The following KDM4A variants were observed in gnomAD, a reference collection of about 807,000 sequenced individuals.
The protein encoded by KDM4A is lysine demethylase 4A.
KDM4A carries 23 observed loss-of-function variants against 127.1 expected under a neutral mutation model. The ratio of observed to expected loss-of-function variants is 0.18; its 90% CI spans 0.13 to 0.26. KDM4A has a LOEUF of 0.26. KDM4A is among the 10% of genes least tolerant of loss of function. KDM4A has a pLI of 1.00. For missense variants in KDM4A, 890 were observed against 1,329.1 expected, an observed-to-expected ratio of 0.67 and a Z score of 5.14; for synonymous variants, 443 against 466.5, an observed-to-expected ratio of 0.95 and a Z score of 0.65.
chr1:43,660,236 T>A, intron 3 of KDM4A, 62 bp from the exon 4 acceptor site: 1 of 1,519,202 alleles, frequency 6.6e-7, no homozygotes, highest in Non-Finnish European at 9.1e-7. Flanking sequence ...TGTCTTGTAA[T>A]GTTCATAATG....
chr1:43,704,863 A>G lies in KDM4A; in HGVS notation c.*493A>G. 1 of 159,568 alleles carries G rather than the reference A, an allele frequency of 6.3e-6. No homozygotes were observed. Among genetic ancestry groups the G allele is most frequent in the Non-Finnish European group, 1.4e-5 (1 of 72,774 alleles). The allele number at this position is 159,568 out of a possible 1,614,324, so 9.9% of individuals were successfully genotyped here. ...CTGGCCTTTACTTTCTTCCTTGCCT[A>G]TGCAGGGCAAACAAAATGTGAAATT... is the stretch of plus-strand genomic sequence containing the variant. On this transcript the variant is annotated 3_prime_UTR_variant, in exon 22 of 22. Coordinates refer to ENST00000372396, the MANE Select transcript of KDM4A (RefSeq NM_014663.3).
In KDM4A at chr1:43,693,898, C is replaced by A; in HGVS notation, c.2376-96C>A. The stretch of plus-strand genomic sequence containing the variant: ...TGTGCTGGTGGAAGTCAGTGGTCAC[C>A]CAGGTGAGGGAGGAAGCGCTGTCAG... On this transcript the variant is annotated intron_variant, in intron 16 of 21. Transcript: ENST00000372396. This position sits in a 1 kb window ranked among gnomAD's most constrained non-coding sequence, Gnocchi z 4.2. 3 of 924,408 alleles carry A rather than the reference C, an allele frequency of 3.2e-6. No individual in the cohort carries two copies. The highest frequency in any genetic ancestry group is 4.9e-5 in the East Asian group (2 of 41,018). The allele number at this position is 924,408 out of a possible 1,614,324, so 57.3% of individuals were successfully genotyped here.
chr1:43,652,359 C>CA (rs1557900757), intron 1 of KDM4A, among the ~76,000 whole-genome samples: 1 of 149,176 alleles, frequency 6.7e-6, no homozygotes, highest in East Asian at 1.9e-4. Context: ...AAACAATTTT[C>CA]TTTTTTTTTT....
At chr1:43,663,632 T>C (rs1316391855) in intron 5 of KDM4A, among the ~76,000 whole-genome samples, 1 of 151,820 alleles carries the variant, frequency 6.6e-6, no homozygotes, top group Non-Finnish European at 1.5e-5. Flanking sequence ...CATTTTTTTT[T>C]TTCTATTTTG....
intron 11 of KDM4A, among the ~76,000 whole-genome samples, chr1:43,683,034 T>C (rs985881451): frequency 6.6e-5 from 10 of 152,206 alleles, no homozygotes; most frequent in African/African-American, 2.4e-4. Flanking sequence ...GTAAATGCAG[T>C]CTTAAATCAA....
intron 2 of KDM4A, 49 bp downstream of exon 2, chr1:43,653,362 G>GT: frequency 6.6e-7 from 1 of 1,517,850 alleles, no homozygotes; most frequent in Non-Finnish European, 8.8e-7. Context: ...GGGCAGAGCA[G>GT]TAAGATTTTT....
chr1:43,705,094 C>A lies in KDM4A; in HGVS notation c.*724C>A, dbSNP rs1204154674. 2.0e-5 allele frequency: 3 copies of A among 152,414 alleles called. No individual in the cohort carries two copies. Among genetic ancestry groups the A allele is most frequent in the African/African-American group, 7.2e-5 (3 of 41,422 alleles). 9.4% of individuals were successfully genotyped at this position (152,414 alleles called of 1,614,324 possible). A position where few individuals can be genotyped will look rare whatever the true frequency, so the allele number is the denominator to read the frequency against. Reference sequence around the variant, plus strand: ...TGCCCACAACACTCTAGGTGCAGAGCCCCTGTGGCAAAGTATTACAGGGTG... The same window carrying A: ...TGCCCACAACACTCTAGGTGCAGAGACCCTGTGGCAAAGTATTACAGGGTG... On this transcript the variant is annotated 3_prime_UTR_variant, in exon 22 of 22. Coordinates refer to ENST00000372396, the MANE Select transcript of KDM4A (RefSeq NM_014663.3).
intron 1 of KDM4A, among the ~76,000 whole-genome samples, chr1:43,652,203 TTGTAG>T (rs775409925): frequency 6.6e-6 from 1 of 152,122 alleles, no homozygotes; most frequent in Non-Finnish European, 1.5e-5. Flanking sequence ...GGCTTTCAAG[TTGTAG>T]TGTATTCTGT....
Position 43,697,906 on chromosome 1 carries a change from G to A in KDM4A, c.2734G>A (p.Gly912Arg), listed in dbSNP as rs747009449. The change falls in exon 19 of 22, where the codon GGG (glycine) becomes AGG (arginine). Residue 912 changes from glycine (G) to arginine (R), a missense_variant. Physicochemically the swap from Gly to Arg is moderately radical, Grantham distance 125. Transcript: ENST00000372396. ...GAAAGTCATTAGCAAGCATAAGAACGGGCGCTTCTACCAGTGTGAAGTGGT... is the reference window on the plus strand; with the variant it reads ...GAAAGTCATTAGCAAGCATAAGAACAGGCGCTTCTACCAGTGTGAAGTGGT... ...GQKVISKHKNGRFYQCEVVRL... is the reference protein window; with the variant it reads ...GQKVISKHKNRRFYQCEVVRL... The A allele has an allele frequency of 1.4e-5, 22 of 1,613,500 alleles. 1 individual carries two copies. The highest frequency in any genetic ancestry group is 1.7e-5 in the Non-Finnish European group (20 of 1,179,966).
At position 43,704,353 on chromosome 1, in the gene KDM4A, C is replaced by A. The variant is rs1244112001; in HGVS notation, c.3178C>A (p.Arg1060=). Residue 1060 remains arginine, a synonymous_variant, in exon 22 of 22, where the codon CGG becomes AGG. Coordinates refer to ENST00000372396, the MANE Select transcript of KDM4A (RefSeq NM_014663.3). The part of the protein sequence containing the change: ...REDYIEPALY[R]AIME ...AGATTATATTGAGCCTGCACTATACCGGGCCATCATGGAGTAGGTGCTTCC... is the reference window on the plus strand; with the variant it reads ...AGATTATATTGAGCCTGCACTATACAGGGCCATCATGGAGTAGGTGCTTCC... 4 of 1,613,508 alleles carry A rather than the reference C, an allele frequency of 2.5e-6. No individual in the cohort carries two copies. The highest frequency in any genetic ancestry group is 2.7e-5 in the African/African-American group (2 of 75,002).
In KDM4A at chr1:43,669,088, T is replaced by A. The variant is rs762654635; in HGVS notation, c.1164-12T>A. On this transcript the variant is annotated splice_polypyrimidine_tract_variant and intron_variant, in intron 9 of 21. Coordinates refer to ENST00000372396, the MANE Select transcript of KDM4A (RefSeq NM_014663.3). ...ATGTGGGCTCTTAAAAGATTTGCCCTCTCCCTTGCAGCCTGGCCAAGCACC... is the reference window on the plus strand; with the variant it reads ...ATGTGGGCTCTTAAAAGATTTGCCCACTCCCTTGCAGCCTGGCCAAGCACC... The A allele has an allele frequency of 6.2e-7, 1 of 1,614,114 alleles. No individual in the cohort carries two copies. Among genetic ancestry groups the A allele is most frequent in the Non-Finnish European group, 8.5e-7 (1 of 1,179,980 alleles).
At chr1:43,662,337 C>T (rs143534262) in intron 4 of KDM4A, among the ~76,000 whole-genome samples, 403 of 149,590 alleles carry the variant, frequency 2.7e-3, no homozygotes, top group African/African-American at 9.3e-3. Context: ...TGGTCGGGCG[C>T]GGTGGCTCAG....
At chr1:43,692,351 G>A (rs1047485912) in intron 16 of KDM4A, 40 bp downstream of exon 16, 5 of 1,556,784 alleles carry the variant, frequency 3.2e-6, no homozygotes, top group Non-Finnish European at 3.5e-6. Context: ...CACAGGCTCA[G>A]TTCCGAAGCA....
In KDM4A at chr1:43,704,405, A is replaced by C. The variant is rs754457789; in HGVS notation, c.*35A>C. The C allele has an allele frequency of 1.9e-6, 3 of 1,598,188 alleles. No individual in the cohort carries two copies. On this transcript the variant is annotated 3_prime_UTR_variant, in exon 22 of 22. Coordinates refer to ENST00000372396, the MANE Select transcript of KDM4A (RefSeq NM_014663.3). ...GGGTCCAAGGGATTCTCAGCCATCC[A>C]GGCAAGAGCACTCTGGGTTCCACAG...
chr1:43,668,712 T>A (rs952940465), intron 9 of KDM4A, among the ~76,000 whole-genome samples: 1 of 152,206 alleles, frequency 6.6e-6, no homozygotes, highest in Admixed American at 6.5e-5. Context: ...ATGTCGTGAT[T>A]TAAGTCTGCA....
intron 15 of KDM4A, 85 bp downstream of exon 15, chr1:43,691,657 TC>T: frequency 8.6e-7 from 1 of 1,163,520 alleles, no homozygotes; most frequent in Non-Finnish European, 1.3e-6. Context: ...GACTCAGTAT[TC>T]CCAGCAGTCT....
intron 5 of KDM4A, among the ~76,000 whole-genome samples, 197 bp from the exon 6 acceptor site, chr1:43,665,499 A>C (rs1660480876): frequency 6.6e-6 from 1 of 152,032 alleles, no homozygotes; most frequent in Non-Finnish European, 1.5e-5. Flanking sequence ...AGAAGAAATA[A>C]ATTCACTCAC....
intron 12 of KDM4A, among the ~76,000 whole-genome samples, chr1:43,686,412 C>T (rs1003848919): frequency 3.3e-5 from 5 of 150,942 alleles, no homozygotes; most frequent in Admixed American, 6.6e-5. Context: ...TCTTGGCTCA[C>T]TGCAACCTCT....
chr1:43,661,816 GA>G (rs2154046775), intron 4 of KDM4A, among the ~76,000 whole-genome samples: 1 of 152,062 alleles, frequency 6.6e-6, no homozygotes, highest in Admixed American at 6.6e-5. Flanking sequence ...TACAACTCGG[GA>G]AAAGGATATT....
Sources: gnomAD v4.1 joint callset for allele counts (sites outside exome capture counted in the v4.1 genomes callset) on GRCh38, gnomAD v4.1.1 for gene constraint, Gnocchi (gnomAD v3.1) non-coding constraint, MANE v1.5 for transcripts, NCBI Gene and HGNC (gene_info 2026-07-23, HGNC 2026-07-21) for gene names.